Variants in RCAN2 observed in about 807,000 individuals in gnomAD.
The protein encoded by RCAN2 is calcipressin-2.
Under a neutral mutation model 23.6 loss-of-function variants are expected in RCAN2, and 9 were observed. That is an observed-to-expected ratio of 0.38 (90% CI 0.23 to 0.67). The LOEUF (loss-of-function observed/expected upper bound fraction) is 0.67, where lower values mean the gene tolerates loss of function less well. RCAN2 is among the 30% of genes least tolerant of loss of function. The probability of loss-of-function intolerance (pLI) is 0.51; values close to 1 mark genes in which losing one functional copy is unlikely to be tolerated. For missense variants in RCAN2, 273 were observed against 302.3 expected (o/e 0.90, Z 0.72); for synonymous variants, 109 against 115.7 (o/e 0.94, Z 0.37).
At chr6:46,369,636 T>A (rs551358251) in intron 2 of RCAN2, among the ~76,000 whole-genome samples, 73 of 152,310 alleles carry the variant, frequency 4.8e-4, no homozygotes, top group African/African-American at 1.7e-3. Flanking sequence ...TGTACTAGTT[T>A]GCAACATTTG....
At chr6:46,433,125 C>G (rs1348287038) in intron 2 of RCAN2, among the ~76,000 whole-genome samples, 1 of 152,088 alleles carries the variant, frequency 6.6e-6, no homozygotes, top group Non-Finnish European at 1.5e-5. Context: ...AATATAATAT[C>G]AAATTTTAGT....
intron 2 of RCAN2, among the ~76,000 whole-genome samples, chr6:46,283,030 G>C (rs952108221): frequency 3.3e-5 from 5 of 152,182 alleles, no homozygotes; most frequent in Non-Finnish European, 7.3e-5. Context: ...GCCTGACCGG[G>C]GGCTGGCAGG....
intron 2 of RCAN2, among the ~76,000 whole-genome samples, chr6:46,250,435 A>G (rs1259333742): frequency 6.6e-6 from 1 of 152,238 alleles, no homozygotes; most frequent in East Asian, 1.9e-4. Context: ...GTAATTTCTC[A>G]TAACAGTGAG....
chr6:46,325,622 C>T (rs953716320), intron 2 of RCAN2: 76 of 1,438,418 alleles, frequency 5.3e-5, no homozygotes, highest in Non-Finnish European at 6.6e-5. Context: ...TCCTGGAGCC[C>T]GCTCCCACTG....
chr6:46,391,983 G>A (rs1219753045), intron 2 of RCAN2, among the ~76,000 whole-genome samples: 1 of 152,200 alleles, frequency 6.6e-6, no homozygotes, highest in East Asian at 1.9e-4. Context: ...AGGATGAGCT[G>A]TAGAGGGAAG....
chr6:46,260,961 C>G (rs1767091358), intron 2 of RCAN2, among the ~76,000 whole-genome samples: 1 of 152,204 alleles, frequency 6.6e-6, no homozygotes. Context: ...AAGGAAGGAT[C>G]TGACAGTCCT....
chr6:46,330,037 G>C (rs1246590486), intron 2 of RCAN2, among the ~76,000 whole-genome samples: 2 of 152,136 alleles, frequency 1.3e-5, no homozygotes, highest in Non-Finnish European at 2.9e-5. Flanking sequence ...CTTCTGTATG[G>C]CCTTCTGGAT....
At chr6:46,283,060 G>A (rs566798834) in intron 2 of RCAN2, among the ~76,000 whole-genome samples, 2 of 152,320 alleles carry the variant, frequency 1.3e-5, no homozygotes, top group South Asian at 2.1e-4. Context: ...AGCCTTTACT[G>A]ACTGAATGAT....
chr6:46,331,241 C>T (rs1046663318), intron 2 of RCAN2, among the ~76,000 whole-genome samples: 1 of 151,880 alleles, frequency 6.6e-6, no homozygotes, highest in African/African-American at 2.4e-5. Context: ...CAATTCCTGG[C>T]CTCAAGTGAT....
chr6:46,369,406 G>A (rs1355329152), intron 2 of RCAN2, among the ~76,000 whole-genome samples: 1 of 152,170 alleles, frequency 6.6e-6, no homozygotes, highest in African/African-American at 2.4e-5. Context: ...ATTATGTACT[G>A]TACATAATTG....
intron 1 of RCAN2, among the ~76,000 whole-genome samples, chr6:46,459,502 A>C (rs1479865344): frequency 6.6e-6 from 1 of 152,230 alleles, no homozygotes; most frequent in Non-Finnish European, 1.5e-5. Context: ...TATTATCTTC[A>C]TGAGATTTTA....
Position 46,342,776 on chromosome 6 carries a change from A to G in RCAN2, c.226-93880T>C, listed in dbSNP as rs192525428. 4.6e-5 allele frequency among the ~76,000 whole-genome samples: 7 copies of G among 152,064 alleles called. No individual in the cohort carries two copies. The East Asian group carries it at 1.4e-3, about 30-fold the overall frequency. ...ATAGAGAGGCATAAGGAGAAACCAG[A>G]TGAACTCACAGAAAACTTTTATGGT... is the stretch of plus-strand genomic sequence containing the variant. On this transcript the variant is annotated intron_variant, in intron 2 of 4. Transcript: ENST00000371374.
intron 2 of RCAN2, among the ~76,000 whole-genome samples, chr6:46,379,791 G>A (rs1004632215): frequency 2.6e-5 from 4 of 152,160 alleles, no homozygotes; most frequent in Admixed American, 6.5e-5. Context: ...TGTGAATGTC[G>A]TTATTGATGG....
intron 2 of RCAN2, among the ~76,000 whole-genome samples, chr6:46,326,171 A>G (rs1363458136): frequency 6.6e-6 from 1 of 152,178 alleles, no homozygotes; most frequent in Non-Finnish European, 1.5e-5. Flanking sequence ...TTTAGGGAGC[A>G]TGGTAAGAGG....
intron 1 of RCAN2, among the ~76,000 whole-genome samples, chr6:46,478,685 T>C (rs1768778194): frequency 6.6e-6 from 1 of 152,222 alleles, no homozygotes; most frequent in African/African-American, 2.4e-5. Context: ...TAAGGATAAA[T>C]ATGCTGTCAG....
Position 46,447,855 on chromosome 6 carries a change from GA to G in RCAN2, c.225+8896del, listed in dbSNP as rs1215378930. Reference sequence around the variant, plus strand: ...ATGAGATACAGCAAAATATATCTAAGAAAAAAACTTATAGCAATACATGCCT... The same window carrying G: ...ATGAGATACAGCAAAATATATCTAAGAAAAAACTTATAGCAATACATGCCT... On this transcript the variant is annotated intron_variant, in intron 2 of 4. Transcript: ENST00000371374. Among the ~76,000 whole-genome samples the G allele has an allele frequency of 3.3e-5, 5 of 150,892 alleles. 1 individual carries two copies. The highest frequency in any genetic ancestry group is 9.7e-5 in the African/African-American group (4 of 41,188).
chr6:46,271,548 A>T (rs897317170), intron 2 of RCAN2, among the ~76,000 whole-genome samples: 9 of 152,126 alleles, frequency 5.9e-5, no homozygotes, highest in Admixed American at 2.0e-4. Flanking sequence ...CAGCTACCCA[A>T]CCACAGACAA....
intron 1 of RCAN2, among the ~76,000 whole-genome samples, chr6:46,472,005 T>A (rs1287583758): frequency 6.6e-6 from 1 of 152,188 alleles, no homozygotes; most frequent in Non-Finnish European, 1.5e-5. Context: ...GAATTCTTCC[T>A]CGCATTGTTC....
At chr6:46,252,725 C>A (rs1473072513) in intron 2 of RCAN2, among the ~76,000 whole-genome samples, 1 of 152,014 alleles carries the variant, frequency 6.6e-6, no homozygotes, top group African/African-American at 2.4e-5. Flanking sequence ...TTTTGCAAAC[C>A]TATTTAATTT....
Sources: allele counts gnomAD v4.1 joint callset (sites outside exome capture counted in the v4.1 genomes callset), GRCh38; gene constraint gnomAD v4.1.1; transcripts MANE v1.5; gene names NCBI Gene and HGNC (gene_info 2026-07-23, HGNC 2026-07-21).